Variants in PRKCD observed in about 807,000 individuals in gnomAD.
The protein encoded by PRKCD is protein kinase C delta type.
In PRKCD, 20 loss-of-function variants were observed where a neutral mutation model predicts 82.2. The ratio of observed to expected loss-of-function variants is 0.24; its 90% CI spans 0.17 to 0.35. The LOEUF is 0.35. PRKCD is among the 10% of genes least tolerant of loss of function. PRKCD has a pLI of 1.00. For synonymous variants in PRKCD, 317 were observed against 337.0 expected, an observed-to-expected ratio of 0.94 and a Z score of 0.65; for missense variants, 607 against 899.0, an observed-to-expected ratio of 0.68 and a Z score of 4.15.
chr3:53,163,912 C>T (rs1174654980), intron 1 of PRKCD, among the ~76,000 whole-genome samples: 3 of 152,086 alleles, frequency 2.0e-5, no homozygotes, highest in African/African-American at 7.2e-5. Flanking sequence ...ATGGGGGAGA[C>T]AGGGGTGGGG....
chr3:53,177,873 A>G (rs116832964), intron 2 of PRKCD, among the ~76,000 whole-genome samples: 1,717 of 151,350 alleles, frequency 0.011, 35 homozygotes, highest in African/African-American at 0.038. Context: ...CCAACATCAC[A>G]TTTTCCAGTT....
intron 1 of PRKCD, among the ~76,000 whole-genome samples, chr3:53,164,544 T>C (rs1178562612): frequency 6.6e-6 from 1 of 151,632 alleles, no homozygotes; most frequent in Non-Finnish European, 1.5e-5. Context: ...GATCGTGCCA[T>C]TGCACTCCAG....
chr3:53,183,332 G>T, intron 8 of PRKCD, 120 bp from the exon 9 acceptor site: 1 of 1,544,470 alleles, frequency 6.5e-7, no homozygotes, highest in Non-Finnish European at 8.9e-7. Context: ...GTCTTTCCTT[G>T]CCTCTCCCAG....
rs1559634234 is a variant in PRKCD at position 53,192,183 on chromosome 3, A to G, written c.1948A>G (p.Asn650Asp). ...EKARLSYSDK[N>D]LIDSMDQSAF... is the part of the protein sequence containing the mutation. ...GGCGCGCCTCTCCTACAGCGACAAG[A>G]ACCTCATCGACTCCATGGACCAGTC... Residue 650 changes from asparagine to aspartate, a missense_variant, in exon 19 of 19, where the codon AAC (asparagine) becomes GAC (aspartate). Physicochemically the swap from Asn to Asp is conservative, Grantham distance 23. Transcript: ENST00000330452. The G allele has an allele frequency of 1.9e-6, 3 of 1,613,924 alleles. No individual in the cohort carries two copies. The African/African-American group carries it at 4.0e-5, about 22-fold the overall frequency.
intron 2 of PRKCD, among the ~76,000 whole-genome samples, chr3:53,167,680 T>C (rs1167516473): frequency 1.3e-5 from 2 of 152,262 alleles, no homozygotes; most frequent in African/African-American, 2.4e-5. Context: ...ACTGTAGTTA[T>C]GTAAAGCATT....
At chr3:53,185,847 C>A in intron 11 of PRKCD, 80 bp from the exon 12 acceptor site, 1 of 1,557,344 alleles carries the variant, frequency 6.4e-7, no homozygotes, top group South Asian at 1.1e-5. Context: ...GGCCCCTTCC[C>A]CCAGCCTACC....
intron 15 of PRKCD, among the ~76,000 whole-genome samples, chr3:53,187,997 AC>A (rs1413492565): frequency 4.6e-5 from 7 of 151,528 alleles, no homozygotes; most frequent in Non-Finnish European, 1.0e-4. Context: ...GACCAGCCTG[AC>A]CAACATGGTG....
chr3:53,181,648 G>A lies in PRKCD; in HGVS notation c.539+42G>A, dbSNP rs202023058. ...CCCACTGGTGGTGGTGCAGGGTAGT[G>A]GGGGCCGATCCCGGTCCCCGCTCAC... On this transcript the variant is annotated intron_variant, in intron 6 of 18. Coordinates refer to ENST00000330452, the MANE Select transcript of PRKCD (RefSeq NM_006254.4). 233 of 1,613,242 alleles carry A rather than the reference G, an allele frequency of 1.4e-4. No homozygotes were observed. In the African/African-American group the frequency reaches 2.9e-3, roughly 20 times the overall value.
intron 7 of PRKCD, 35 bp from the exon 8 acceptor site, chr3:53,183,086 T>C (rs1204712820): frequency 6.2e-7 from 1 of 1,610,100 alleles, no homozygotes; most frequent in Non-Finnish European, 8.5e-7. Context: ...TCCCGGTGCT[T>C]TCCCTTCCCC....
chr3:53,183,595 C>T lies in PRKCD; in HGVS notation c.787+14C>T, dbSNP rs376532118. 129 of 1,612,708 alleles carry T rather than the reference C, an allele frequency of 8.0e-5. No individual in the cohort carries two copies. The African/African-American group carries it at 1.0e-3, about 13-fold the overall frequency. Reference sequence around the variant, plus strand: ...TAAAGTGTGAAGGTGCGTGCCACCCCGCCCCTGGGCTGCAGGAGGGGCACT... The same window carrying T: ...TAAAGTGTGAAGGTGCGTGCCACCCTGCCCCTGGGCTGCAGGAGGGGCACT... On this transcript the variant is annotated intron_variant, in intron 9 of 18. Transcript: ENST00000330452.
At position 53,178,394 on chromosome 3, in the gene PRKCD, G is replaced by C; in HGVS notation, c.-19-10G>C. 1 of 1,594,196 alleles carries C rather than the reference G, an allele frequency of 6.3e-7. No homozygotes were observed. The highest frequency in any genetic ancestry group is 1.3e-5 in the African/African-American group (1 of 74,686). Reference sequence around the variant, plus strand: ...CCCGGCCGCCTGGCCTCACCCCTCTGTGTGCACAGCCCCACTGCAGGCCCC... The same window carrying C: ...CCCGGCCGCCTGGCCTCACCCCTCTCTGTGCACAGCCCCACTGCAGGCCCC... On this transcript the variant is annotated splice_polypyrimidine_tract_variant and intron_variant, in intron 2 of 18. Transcript: ENST00000330452.
In PRKCD at chr3:53,192,418, A is replaced by C. The variant is rs1433810595; in HGVS notation, c.*152A>C. ...TGCCGTCTGGCCGGGCTCTCATGGTACTTCCTCTGTGAACTGTGTGTGAAT... is the reference window on the plus strand; with the variant it reads ...TGCCGTCTGGCCGGGCTCTCATGGTCCTTCCTCTGTGAACTGTGTGTGAAT... On this transcript the variant is annotated 3_prime_UTR_variant, in exon 19 of 19. Transcript: ENST00000330452. The C allele has an allele frequency of 3.7e-5, 30 of 807,202 alleles. No individual in the cohort carries two copies. Among genetic ancestry groups the C allele is most frequent in the Non-Finnish European group, 5.5e-5 (28 of 504,666 alleles). The allele number at this position is 807,202 out of a possible 1,614,324, so 50.0% of individuals were successfully genotyped here.
chr3:53,184,623 C>T lies in PRKCD; in HGVS notation c.788-251C>T, dbSNP rs112611929. 0.11 allele frequency among the ~76,000 whole-genome samples: 15,930 copies of T among 147,196 alleles called. 1,529 individuals carry two copies. The highest frequency in any genetic ancestry group is 0.26 in the African/African-American group (10,227 of 39,854). ...CCAGGAGGCAGAGGTTGCGGTGAGC[C>T]GAGATTGCGCCACTGCACTCCAGCC... On this transcript the variant is annotated intron_variant, in intron 9 of 18. Transcript: ENST00000330452.
intron 2 of PRKCD, among the ~76,000 whole-genome samples, chr3:53,176,507 C>CT (rs1385816026): frequency 6.6e-6 from 1 of 152,268 alleles, no homozygotes; most frequent in African/African-American, 2.4e-5. Context: ...ACGTGTGTGT[C>CT]TGAGTGTGCC....
At chr3:53,163,332 G>A (rs1702736919) in intron 1 of PRKCD, among the ~76,000 whole-genome samples, 1 of 151,812 alleles carries the variant, frequency 6.6e-6, no homozygotes, top group Non-Finnish European at 1.5e-5. Flanking sequence ...GTGTGACAAG[G>A]TGTGTGGTGA....
rs554700854 is a variant in PRKCD, at chr3:53,187,059, A to G, written c.1353-281A>G. On this transcript the variant is annotated intron_variant, in intron 14 of 18. Transcript: ENST00000330452. The stretch of plus-strand genomic sequence containing the variant: ...GCCCCTTACCCCAAACTAACCGTGT[A>G]TGTGTGTGTGTGTGTGTGCATGCAT... Among the ~76,000 whole-genome samples, 6 of 151,144 alleles carry G rather than the reference A, an allele frequency of 4.0e-5. No individual in the cohort carries two copies. The South Asian group carries it at 8.4e-4, about 21-fold the overall frequency.
chr3:53,178,246 A>G (rs998022001), intron 2 of PRKCD, among the ~76,000 whole-genome samples, 158 bp from the exon 3 acceptor site: 1 of 152,146 alleles, frequency 6.6e-6, no homozygotes, highest in Admixed American at 6.5e-5. Context: ...CAAACCTCTC[A>G]GTTTTTAACA....
chr3:53,176,793 C>T (rs1026202398), intron 2 of PRKCD, among the ~76,000 whole-genome samples: 7 of 152,192 alleles, frequency 4.6e-5, no homozygotes, highest in South Asian at 4.1e-4. Flanking sequence ...GCACATTCAG[C>T]GTTACATTCA....
At chr3:53,179,402 G>T in intron 3 of PRKCD, 175 bp from the exon 4 acceptor site, 1 of 800,032 alleles carries the variant, frequency 1.2e-6, no homozygotes. Context: ...AGGCCTGGAG[G>T]GAGGACCTAG....
Sources: gnomAD v4.1 joint callset for allele counts (sites outside exome capture counted in the v4.1 genomes callset) on GRCh38, gnomAD v4.1.1 for gene constraint, MANE v1.5 for transcripts, NCBI Gene and HGNC (gene_info 2026-07-23, HGNC 2026-07-21) for gene names.